The following CENPP variants were observed in gnomAD, a reference collection of about 807,000 sequenced individuals.
CENPP encodes centromere protein P.
A neutral mutation model predicts 35.6 loss-of-function variants in CENPP; 24 were observed. The observed-to-expected ratio is 0.67, with a 90% CI of 0.49 to 0.95. The LOEUF is 0.95. CENPP is among the 40% of genes least tolerant of loss of function. The probability of loss-of-function intolerance (pLI) is 0.00; values close to 1 mark genes in which losing one functional copy is unlikely to be tolerated. For synonymous variants in CENPP, 120 were observed against 125.5 expected (o/e 0.96, Z 0.29); for missense variants, 332 against 345.3 (o/e 0.96, Z 0.31).
intron 5 of CENPP, among the ~76,000 whole-genome samples, chr9:92,569,636 T>A (rs1588283964): frequency 6.6e-6 from 1 of 152,342 alleles, no homozygotes; most frequent in Non-Finnish European, 1.5e-5. Context: ...GGTAACTTGA[T>A]GGGGATGGCA....
rs533070387 is a variant in CENPP, at chr9:92,391,416, ATAAAT to A, written c.564+11575_564+11579del. ...AGTAAGACTCCATCTCAAAAAATAA[ATAAAT>A]TAAATTAAATTAAATTACAATAAAA... On this transcript the variant is annotated intron_variant, in intron 5 of 7. Coordinates refer to ENST00000375587, the MANE Select transcript of CENPP (RefSeq NM_001012267.3). Among the ~76,000 whole-genome samples, 18 of 151,984 alleles carry A rather than the reference ATAAAT, an allele frequency of 1.2e-4. No individual in the cohort carries two copies. In the East Asian group the frequency reaches 2.5e-3, roughly 21 times the overall value.
intron 5 of CENPP, among the ~76,000 whole-genome samples, chr9:92,540,732 C>G (rs923778372): frequency 6.6e-6 from 1 of 151,514 alleles, no homozygotes; most frequent in Non-Finnish European, 1.5e-5. Flanking sequence ...GATCACACCA[C>G]TGCACTCTAG....
chr9:92,396,258 T>G (rs1287591590), intron 5 of CENPP, among the ~76,000 whole-genome samples: 1 of 152,228 alleles, frequency 6.6e-6, no homozygotes, highest in Admixed American at 6.5e-5. Context: ...TCTTGATTCC[T>G]GTACCTTTGT....
At chr9:92,415,592 T>G (rs1043023089) in intron 5 of CENPP, 1 of 458,720 alleles carries the variant, frequency 2.2e-6, no homozygotes, top group African/African-American at 2.0e-5. Flanking sequence ...ATTAAAATAT[T>G]TATAAATTGA....
intron 5 of CENPP, among the ~76,000 whole-genome samples, chr9:92,564,394 A>C (rs1039606126): frequency 6.6e-6 from 1 of 152,168 alleles, no homozygotes; most frequent in Non-Finnish European, 1.5e-5. Context: ...GTCTCAAAAA[A>C]AAAAAATAAA....
intron 5 of CENPP, among the ~76,000 whole-genome samples, chr9:92,470,401 G>A (rs1483435332): frequency 1.3e-5 from 2 of 152,128 alleles, no homozygotes; most frequent in East Asian, 3.8e-4. Flanking sequence ...GTTACTACCT[G>A]AATAGATTGT....
At chr9:92,420,195 A>G (rs1465085416) in intron 5 of CENPP, among the ~76,000 whole-genome samples, 2 of 152,224 alleles carry the variant, frequency 1.3e-5, no homozygotes, top group South Asian at 2.1e-4. Flanking sequence ...CACTATCTCT[A>G]TGTAGTAACT....
At chr9:92,451,861 T>C (rs750636739) in intron 5 of CENPP, among the ~76,000 whole-genome samples, 2,806 of 152,028 alleles carry the variant, frequency 0.018, 36 homozygotes, top group Non-Finnish European at 0.024. Flanking sequence ...TTTGAAGCAA[T>C]TGTGAATGGG....
rs551130193 is a variant in CENPP at position 92,571,180 on chromosome 9, G to C, written c.565-40134G>C. Among the ~76,000 whole-genome samples the C allele has an allele frequency of 2.1e-4, 31 of 150,978 alleles. No homozygotes were observed. The East Asian group carries it at 4.1e-3, about 20-fold the overall frequency. On this transcript the variant is annotated intron_variant, in intron 5 of 7. Transcript: ENST00000375587. ...CTTTTAATTGTGATGTTAGGGTGTC[G>C]ATTTTAGATCTTTCCTGCTTTCTCT... is the stretch of plus-strand genomic sequence containing the variant.
chr9:92,407,599 G>A (rs148065805), intron 5 of CENPP, among the ~76,000 whole-genome samples: 15 of 152,288 alleles, frequency 9.8e-5, no homozygotes, highest in East Asian at 9.7e-4. Context: ...AGATGAAAGA[G>A]TCTTCTTTGT....
At chr9:92,350,755 G>T (rs913853860) in intron 4 of CENPP, among the ~76,000 whole-genome samples, 1 of 152,148 alleles carries the variant, frequency 6.6e-6, no homozygotes, top group African/African-American at 2.4e-5. Flanking sequence ...AATCTCCAGT[G>T]TTCCCTATAA....
intron 5 of CENPP, among the ~76,000 whole-genome samples, chr9:92,433,901 C>G (rs1844182083): frequency 6.6e-6 from 1 of 151,860 alleles, no homozygotes; most frequent in Non-Finnish European, 1.5e-5. Flanking sequence ...CCATTGCACT[C>G]CAGCCTGGGT....
In CENPP at chr9:92,619,657, G is replaced by T; in HGVS notation, c.*6508G>T. 1 of 1,134,824 alleles carries T rather than the reference G, an allele frequency of 8.8e-7. No homozygotes were observed. The allele number at this position is 1,134,824 out of a possible 1,614,324, so 70.3% of individuals were successfully genotyped here. ...TTCCCAGTAGCCAAGTGTGGGAACTGCTTCCTGCCTCAGAACCTGAGGGTG... is the reference window on the plus strand; with the variant it reads ...TTCCCAGTAGCCAAGTGTGGGAACTTCTTCCTGCCTCAGAACCTGAGGGTG... On this transcript the variant is annotated 3_prime_UTR_variant, in exon 8 of 8. Transcript: ENST00000375587.
chr9:92,435,660 T>A (rs559979772), intron 5 of CENPP, among the ~76,000 whole-genome samples: 11 of 152,348 alleles, frequency 7.2e-5, no homozygotes, highest in African/African-American at 2.6e-4. Context: ...AGAAATGGAA[T>A]CATACAGTAT....
At chr9:92,445,193 G>A (rs890296002) in intron 5 of CENPP, among the ~76,000 whole-genome samples, 1 of 152,136 alleles carries the variant, frequency 6.6e-6, no homozygotes, top group Admixed American at 6.5e-5. Flanking sequence ...TCATCCTGCT[G>A]GGCTTCCAGA....
At chr9:92,358,338 G>A (rs1299296953) in intron 4 of CENPP, among the ~76,000 whole-genome samples, 2 of 151,872 alleles carry the variant, frequency 1.3e-5, no homozygotes, top group Non-Finnish European at 2.9e-5. Flanking sequence ...CACCTCATAG[G>A]TTCAAGCAAT....
chr9:92,417,645 C>T lies in CENPP; in HGVS notation c.564+37786C>T, dbSNP rs1005239016. 5 of 827,700 alleles carry T rather than the reference C, an allele frequency of 6.0e-6. No individual in the cohort carries two copies. In the African/African-American group the frequency reaches 8.7e-5, roughly 14 times the overall value. 51.3% of individuals were successfully genotyped at this position (827,700 alleles called of 1,614,324 possible). ...TCAGAATACGCTTTGTATAAATTCTCAGTTATATGAAATGTATTATACCTA... is the reference window on the plus strand; with the variant it reads ...TCAGAATACGCTTTGTATAAATTCTTAGTTATATGAAATGTATTATACCTA... On this transcript the variant is annotated intron_variant, in intron 5 of 7. Transcript: ENST00000375587.
chr9:92,575,576 G>A (rs1850261266), intron 5 of CENPP, among the ~76,000 whole-genome samples: 1 of 152,148 alleles, frequency 6.6e-6, no homozygotes, highest in African/African-American at 2.4e-5. Context: ...CACTTTGGGA[G>A]GCCAAGGCAG....
chr9:92,454,738 C>A (rs1844824128), intron 5 of CENPP, among the ~76,000 whole-genome samples: 1 of 152,042 alleles, frequency 6.6e-6, no homozygotes, highest in African/African-American at 2.4e-5. Context: ...TCACCCCTAC[C>A]CTTTATAGGT....
Sources: allele counts gnomAD v4.1 joint callset (sites outside exome capture counted in the v4.1 genomes callset), GRCh38; gene constraint gnomAD v4.1.1; transcripts MANE v1.5; gene names NCBI Gene and HGNC (gene_info 2026-07-23, HGNC 2026-07-21).